The following NSMCE2 variants were observed in gnomAD, a reference collection of about 807,000 sequenced individuals.
The protein encoded by NSMCE2 is NSE2 SUMO ligase component of SMC5/6 complex, also known as E3 SUMO-protein ligase NSE2.
Under a neutral mutation model 23.8 loss-of-function variants are expected in NSMCE2, and 24 were observed. That is an observed-to-expected ratio of 1.01 (90% CI 0.73 to 1.42). The LOEUF is 1.42. Ranked by LOEUF, NSMCE2 falls within the 40% of genes most tolerant of loss-of-function variation. The pLI, the probability that NSMCE2 is intolerant of heterozygous loss-of-function variation, is 0.00. For synonymous variants in NSMCE2, 92 were observed against 94.1 expected (o/e 0.98, Z 0.13); for missense variants, 284 against 296.5 (o/e 0.96, Z 0.31).
At chr8:125,191,226 T>TTA (rs1823330697) in intron 5 of NSMCE2, among the ~76,000 whole-genome samples, 1 of 152,100 alleles carries the variant, frequency 6.6e-6, no homozygotes, top group Admixed American at 6.5e-5. Flanking sequence ...TGTATCCATT[T>TTA]TATAGATGAG....
At chr8:125,333,783 G>A (rs1439537919) in intron 5 of NSMCE2, among the ~76,000 whole-genome samples, 1 of 152,074 alleles carries the variant, frequency 6.6e-6, no homozygotes, top group South Asian at 2.1e-4. Context: ...AAAGTGCTGG[G>A]ATTACAGGCG....
At chr8:125,307,933 CTG>C (rs920486070) in intron 5 of NSMCE2, among the ~76,000 whole-genome samples, 2 of 152,148 alleles carry the variant, frequency 1.3e-5, no homozygotes, top group African/African-American at 4.8e-5. Flanking sequence ...CATACAAAAA[CTG>C]GGGGGTTTCA....
chr8:125,337,617 G>A (rs748712851), intron 5 of NSMCE2, among the ~76,000 whole-genome samples: 5 of 152,154 alleles, frequency 3.3e-5, no homozygotes, highest in African/African-American at 7.2e-5. Context: ...AGGTTTGGCC[G>A]GGCGTGGTGG....
intron 5 of NSMCE2, among the ~76,000 whole-genome samples, chr8:125,319,686 C>T (rs1829347467): frequency 6.6e-6 from 1 of 152,024 alleles, no homozygotes; most frequent in African/African-American, 2.4e-5. Context: ...AACTGGACAA[C>T]ACAGCAGTGA....
At chr8:125,214,443 A>C (rs1201226127) in intron 5 of NSMCE2, among the ~76,000 whole-genome samples, 2 of 152,308 alleles carry the variant, frequency 1.3e-5, no homozygotes, top group South Asian at 4.2e-4. Flanking sequence ...AGGCTGAGTC[A>C]TGGGGGCTCA....
intron 5 of NSMCE2, among the ~76,000 whole-genome samples, chr8:125,186,156 TTGTGAAAATTA>T (rs1335094482): frequency 2.0e-5 from 3 of 152,210 alleles, no homozygotes; most frequent in African/African-American, 7.2e-5. Context: ...ATTTGGTGAC[TTGTGAAAATTA>T]TATGAAAATT....
intron 4 of NSMCE2, among the ~76,000 whole-genome samples, chr8:125,153,417 A>G (rs1821148476): frequency 6.6e-6 from 1 of 152,188 alleles, no homozygotes; most frequent in Admixed American, 6.5e-5. Context: ...ATAAATCACA[A>G]TTTCATAAGG....
At chr8:125,219,657 T>C (rs1824759700) in intron 5 of NSMCE2, among the ~76,000 whole-genome samples, 1 of 152,242 alleles carries the variant, frequency 6.6e-6, no homozygotes, top group African/African-American at 2.4e-5. Flanking sequence ...TGAATTATTT[T>C]TCTTGGGCTT....
intron 5 of NSMCE2, among the ~76,000 whole-genome samples, chr8:125,262,867 T>G (rs1826755121): frequency 6.6e-6 from 1 of 152,216 alleles, no homozygotes; most frequent in South Asian, 2.1e-4. Context: ...CCAGGTGTTA[T>G]ATAAAGCAAG....
At chr8:125,296,520 T>C (rs1433099282) in intron 5 of NSMCE2, among the ~76,000 whole-genome samples, 3 of 149,052 alleles carry the variant, frequency 2.0e-5, no homozygotes, top group African/African-American at 7.4e-5. Context: ...TCAGCCTCCC[T>C]AGTAGCTGGG....
chr8:125,163,561 A>G (rs904336925), intron 4 of NSMCE2, among the ~76,000 whole-genome samples: 1 of 152,186 alleles, frequency 6.6e-6, no homozygotes, highest in African/African-American at 2.4e-5. Flanking sequence ...TACATACCTC[A>G]TTGGGCAATT....
At chr8:125,106,328 G>A (rs552849754) in intron 3 of NSMCE2, among the ~76,000 whole-genome samples, 2 of 152,142 alleles carry the variant, frequency 1.3e-5, no homozygotes, top group East Asian at 3.9e-4. Context: ...AAAGTCATAC[G>A]CTCTCAAATT....
At chr8:125,106,995 C>CAA (rs1294782045) in intron 3 of NSMCE2, among the ~76,000 whole-genome samples, 16 of 139,134 alleles carry the variant, frequency 1.1e-4, no homozygotes, top group African/African-American at 3.9e-4. Flanking sequence ...AATTCTGTCT[C>CAA]AAAAAAAAAA....
chr8:125,113,881 G>A (rs145179959), intron 3 of NSMCE2, among the ~76,000 whole-genome samples: 278 of 152,280 alleles, frequency 1.8e-3, no homozygotes, highest in South Asian at 3.3e-3. Context: ...GGTTTAGCAG[G>A]TTCTAGGATT....
intron 5 of NSMCE2, among the ~76,000 whole-genome samples, chr8:125,281,446 AT>A (rs564149517): frequency 6.6e-6 from 1 of 150,380 alleles, no homozygotes; most frequent in African/African-American, 2.4e-5. Flanking sequence ...CGAGAGGGTG[AT>A]TTTTTTTTTC....
chr8:125,240,679 C>T (rs1162047420), intron 5 of NSMCE2, among the ~76,000 whole-genome samples: 1 of 151,996 alleles, frequency 6.6e-6, no homozygotes, highest in Non-Finnish European at 1.5e-5. Flanking sequence ...TAAGTAAATC[C>T]CTGCATGTGT....
intron 3 of NSMCE2, among the ~76,000 whole-genome samples, chr8:125,103,758 C>T (rs1818315588): frequency 6.6e-6 from 1 of 151,984 alleles, no homozygotes; most frequent in Non-Finnish European, 1.5e-5. Flanking sequence ...CTGATAATTC[C>T]ATTTAGTGAA....
intron 3 of NSMCE2, among the ~76,000 whole-genome samples, chr8:125,125,040 C>G (rs974049714): frequency 1.3e-5 from 2 of 152,088 alleles, no homozygotes; most frequent in Non-Finnish European, 2.9e-5. Flanking sequence ...AGTGATCACC[C>G]TGCCTCAGCC....
At chr8:125,253,507 T>A (rs1445393209) in intron 5 of NSMCE2, among the ~76,000 whole-genome samples, 1 of 152,254 alleles carries the variant, frequency 6.6e-6, no homozygotes, top group Non-Finnish European at 1.5e-5. Flanking sequence ...TGTTTTGTTT[T>A]GACTTTCCAT....
Sources: allele counts gnomAD v4.1 joint callset (sites outside exome capture counted in the v4.1 genomes callset), GRCh38; gene constraint gnomAD v4.1.1; transcripts MANE v1.5; gene names NCBI Gene and HGNC (gene_info 2026-07-23, HGNC 2026-07-21).